WWOX: variants seen among roughly 807,000 people sequenced by gnomAD.
The protein encoded by WWOX is WW domain-containing oxidoreductase.
Under a neutral mutation model 46.2 loss-of-function variants are expected in WWOX, and 69 were observed. That is an observed-to-expected ratio of 1.49 (90% CI 1.23 to 1.82). WWOX has a LOEUF of 1.82. Among genes scored for constraint, WWOX ranks in the 40% most tolerant of loss-of-function variants. WWOX has a pLI of 0.00. For synonymous variants in WWOX, 359 were observed against 202.6 expected, an observed-to-expected ratio of 1.77 and a Z score of -6.56; for missense variants, 919 against 542.6, an observed-to-expected ratio of 1.69 and a Z score of -6.89.
At chr16:79,080,890 G>A (rs1372372750) in intron 8 of WWOX, among the ~76,000 whole-genome samples, 1 of 152,164 alleles carries the variant, frequency 6.6e-6, no homozygotes, top group African/African-American at 2.4e-5. Flanking sequence ...TATCCCAACA[G>A]ATGCATCACC....
At chr16:78,584,796 GA>G (rs2045153154) in intron 8 of WWOX, among the ~76,000 whole-genome samples, 1 of 152,224 alleles carries the variant, frequency 6.6e-6, no homozygotes, top group South Asian at 2.1e-4. Flanking sequence ...CTGGTGATGT[GA>G]TCACTTGGCC....
chr16:79,122,612 ACT>A (rs1441905431), intron 8 of WWOX, among the ~76,000 whole-genome samples: 2 of 139,482 alleles, frequency 1.4e-5, no homozygotes, highest in Non-Finnish European at 3.1e-5. Context: ...TCCCTCCCAT[ACT>A]CTCTACTTTT....
At chr16:78,500,803 T>C (rs1407367427) in intron 8 of WWOX, among the ~76,000 whole-genome samples, 1 of 152,310 alleles carries the variant, frequency 6.6e-6, no homozygotes, top group East Asian at 1.9e-4. Context: ...AAAATTGTCA[T>C]TGATCAGTAC....
intron 8 of WWOX, among the ~76,000 whole-genome samples, chr16:78,808,248 C>T (rs1336569506): frequency 1.3e-5 from 2 of 152,184 alleles, no homozygotes; most frequent in African/African-American, 2.4e-5. Context: ...ACCTCTAGTC[C>T]TCAAGAGCAG....
intron 5 of WWOX, among the ~76,000 whole-genome samples, chr16:78,207,318 C>A: frequency 6.6e-6 from 1 of 152,214 alleles, no homozygotes; most frequent in South Asian, 2.1e-4. Flanking sequence ...TAAATTATTA[C>A]ATATCTGTAT....
chr16:78,434,535 T>G (rs931508918), intron 8 of WWOX, among the ~76,000 whole-genome samples: 3 of 152,194 alleles, frequency 2.0e-5, no homozygotes, highest in African/African-American at 4.8e-5. Flanking sequence ...GAGAGGTGGA[T>G]TCTTCCTTAT....
At chr16:78,834,408 G>A (rs981613470) in intron 8 of WWOX, among the ~76,000 whole-genome samples, 2 of 152,100 alleles carry the variant, frequency 1.3e-5, no homozygotes, top group Non-Finnish European at 2.9e-5. Context: ...ATTGAATCTA[G>A]GTTTCTAGGT....
intron 8 of WWOX, among the ~76,000 whole-genome samples, chr16:78,559,062 T>C (rs1049652370): frequency 2.6e-5 from 4 of 152,156 alleles, no homozygotes; most frequent in African/African-American, 9.7e-5. Context: ...GAAGGACACA[T>C]AGTTCCGTCT....
intron 8 of WWOX, among the ~76,000 whole-genome samples, chr16:78,799,134 A>G (rs961675699): frequency 2.0e-5 from 3 of 152,076 alleles, no homozygotes; most frequent in South Asian, 4.1e-4. Flanking sequence ...GGTTCCTGGC[A>G]TTTGTGTCTT....
In WWOX at chr16:78,357,347, C is replaced by G. The variant is rs111596764; in HGVS notation, c.517-29513C>G. On this transcript the variant is annotated intron_variant, in intron 5 of 8. Transcript: ENST00000566780. ...TTTCTCAGCACCACACAAACACACT[C>G]CAGAATGCAAAGGAACCTGCACTGT... 2.6e-3 allele frequency among the ~76,000 whole-genome samples: 395 copies of G among 152,278 alleles called. 2 individuals are homozygous for G. The highest frequency in any genetic ancestry group is 9.2e-3 in the African/African-American group (383 of 41,564).
In WWOX at chr16:78,846,867, T is replaced by G. The variant is rs1398486954; in HGVS notation, c.1057-364741T>G. On this transcript the variant is annotated intron_variant, in intron 8 of 8. Coordinates refer to ENST00000566780, the MANE Select transcript of WWOX (RefSeq NM_016373.4). ...CATGCCTTCTATTTTTTGGTGGGAA[T>G]TCTTCTACATGGAAGGCTGTTTCTT... Among the ~76,000 whole-genome samples the G allele has an allele frequency of 7.9e-5, 12 of 152,344 alleles. No homozygotes were observed. The East Asian group carries it at 2.3e-3, about 29-fold the overall frequency.
intron 5 of WWOX, among the ~76,000 whole-genome samples, chr16:78,224,821 A>G (rs551173575): frequency 6.6e-6 from 1 of 152,302 alleles, no homozygotes; most frequent in African/African-American, 2.4e-5. Context: ...GTAGAATCTA[A>G]TTTTACTGTG....
intron 8 of WWOX, among the ~76,000 whole-genome samples, chr16:78,857,092 C>T (rs1170320615): frequency 6.6e-6 from 1 of 152,164 alleles, no homozygotes; most frequent in African/African-American, 2.4e-5. Flanking sequence ...ATATGTGGTT[C>T]ATTGTTGATC....
chr16:78,961,496 G>T (rs991474598), intron 8 of WWOX, among the ~76,000 whole-genome samples: 5 of 151,958 alleles, frequency 3.3e-5, no homozygotes, highest in Non-Finnish European at 5.9e-5. Flanking sequence ...TAGATGGATG[G>T]ATGCGTGGGT....
intron 8 of WWOX, among the ~76,000 whole-genome samples, chr16:78,466,221 C>G (rs143805835): frequency 2.6e-4 from 39 of 152,032 alleles, no homozygotes; most frequent in Middle Eastern, 3.4e-3. Context: ...TTAGTAGAGA[C>G]GGGGTTTCAT....
intron 8 of WWOX, among the ~76,000 whole-genome samples, chr16:78,606,994 T>G (rs1255291517): frequency 1.3e-5 from 2 of 152,120 alleles, no homozygotes; most frequent in African/African-American, 4.8e-5. Context: ...TCTGTTTTTG[T>G]TTTTGTCTGT....
chr16:78,737,272 G>C (rs980687416), intron 8 of WWOX, among the ~76,000 whole-genome samples: 2 of 151,082 alleles, frequency 1.3e-5, no homozygotes, highest in African/African-American at 4.9e-5. Context: ...GCTAATTTTT[G>C]TATGTATATG....
chr16:78,186,749 A>T (rs1012949074), intron 5 of WWOX, among the ~76,000 whole-genome samples: 1 of 152,242 alleles, frequency 6.6e-6, no homozygotes, highest in Admixed American at 6.5e-5. Context: ...TGGGTGACAA[A>T]GTGAGACCCT....
At chr16:78,741,467 G>C (rs1477849895) in intron 8 of WWOX, among the ~76,000 whole-genome samples, 3 of 152,168 alleles carry the variant, frequency 2.0e-5, no homozygotes, top group Non-Finnish European at 4.4e-5. Flanking sequence ...GGCTGAGGCA[G>C]GAGAATCACT....
Sources: allele counts gnomAD v4.1 joint callset (sites outside exome capture counted in the v4.1 genomes callset), GRCh38; gene constraint gnomAD v4.1.1; transcripts MANE v1.5; gene names NCBI Gene and HGNC (gene_info 2026-07-23, HGNC 2026-07-21).